The following ATP10D variants were observed in gnomAD, a reference collection of about 807,000 sequenced individuals.
The protein encoded by ATP10D is phospholipid-transporting ATPase VD.
A neutral mutation model predicts 144.8 loss-of-function variants in ATP10D; 89 were observed. That is an observed-to-expected ratio of 0.61 (90% CI 0.52 to 0.73). The LOEUF (loss-of-function observed/expected upper bound fraction) is 0.73, where lower values mean the gene tolerates loss of function less well. Among genes scored for constraint, ATP10D ranks in the 30% least tolerant of loss-of-function variants. ATP10D has a pLI of 0.00. For missense variants in ATP10D, 1,603 were observed against 1,714.8 expected, an observed-to-expected ratio of 0.93 and a Z score of 1.15; for synonymous variants, 571 against 615.1, an observed-to-expected ratio of 0.93 and a Z score of 1.06.
At chr4:47,583,891 TG>T (rs1233243865) in intron 21 of ATP10D, among the ~76,000 whole-genome samples, 3 of 152,202 alleles carry the variant, frequency 2.0e-5, no homozygotes, top group African/African-American at 7.2e-5. Flanking sequence ...CTTGTCAGGA[TG>T]GTCCTCTGGT....
intron 17 of ATP10D, 105 bp from the exon 18 acceptor site, chr4:47,572,767 G>C (rs1720027909): frequency 7.0e-7 from 1 of 1,428,966 alleles, no homozygotes; most frequent in African/African-American, 1.4e-5. Flanking sequence ...AATGCGGTCA[G>C]AAGAAGGTAG....
chr4:47,513,148 A>G (rs896502032), intron 2 of ATP10D, among the ~76,000 whole-genome samples: 3 of 152,050 alleles, frequency 2.0e-5, no homozygotes, highest in Admixed American at 2.0e-4. Context: ...GGGTCTTCTT[A>G]CTCTTGCTTT....
rs112819721 is a variant in ATP10D at position 47,511,493 on chromosome 4, C to A, written c.-37-1011C>A. Among the ~76,000 whole-genome samples the A allele has an allele frequency of 5.2e-4, 79 of 152,280 alleles. 1 individual carries two copies. Among genetic ancestry groups the A allele is most frequent in the African/African-American group, 1.7e-3 (71 of 41,560 alleles). On this transcript the variant is annotated intron_variant, in intron 1 of 22. Coordinates refer to ENST00000273859, the MANE Select transcript of ATP10D (RefSeq NM_020453.4). ...CTGAGGCATGAGAATTGCTTGAACC[C>A]CTTTCTTTCCTATTTTTGTTTTGAT...
chr4:47,516,849 T>A (rs907214707), intron 3 of ATP10D, among the ~76,000 whole-genome samples: 3 of 152,212 alleles, frequency 2.0e-5, no homozygotes, highest in African/African-American at 7.2e-5. Context: ...AGTCATTGGT[T>A]TTCATTTAAA....
At chr4:47,552,859 T>C (rs1423022199) in intron 10 of ATP10D, among the ~76,000 whole-genome samples, 1 of 152,228 alleles carries the variant, frequency 6.6e-6, no homozygotes, top group Non-Finnish European at 1.5e-5. Flanking sequence ...AAATAGAATT[T>C]GGAAAGCCTG....
intron 21 of ATP10D, among the ~76,000 whole-genome samples, chr4:47,583,492 A>G (rs1720630464): frequency 6.6e-6 from 1 of 152,266 alleles, no homozygotes; most frequent in Non-Finnish European, 1.5e-5. Flanking sequence ...ACAATCATCT[A>G]TAACAAAATA....
intron 5 of ATP10D, among the ~76,000 whole-genome samples, chr4:47,527,933 T>A (rs1717338733): frequency 6.6e-6 from 1 of 152,156 alleles, no homozygotes; most frequent in Non-Finnish European, 1.5e-5. Context: ...CTATGACCTG[T>A]ATACAATGCT....
chr4:47,583,994 G>A (rs1267820205), intron 21 of ATP10D, among the ~76,000 whole-genome samples: 1 of 152,152 alleles, frequency 6.6e-6, no homozygotes, highest in Non-Finnish European at 1.5e-5. Context: ...CCTAGCTTAA[G>A]TCACAGGCTT....
In ATP10D at chr4:47,515,620, A is replaced by T; in HGVS notation, c.435A>T (p.Lys145Asn). The T allele has an allele frequency of 6.2e-7, 1 of 1,612,652 alleles. No individual in the cohort carries two copies. The highest frequency in any genetic ancestry group is 8.5e-7 in the Non-Finnish European group (1 of 1,178,664). Reference protein sequence around the residue: ...AIKDGLEDYRKYKIDKQINNL... With the variant: ...AIKDGLEDYRNYKIDKQINNL... ...AAGATGGCCTGGAAGATTATCGGAA[A>T]TACAAAATTGACAAACAGATCAATA... The change falls in exon 3 of 23, where the codon AAA becomes AAT. Residue 145 changes from lysine to asparagine, a missense_variant. Physicochemically the swap from Lys to Asn is moderately conservative, Grantham distance 94. Transcript: ENST00000273859.
At position 47,565,481 on chromosome 4, in the gene ATP10D, G is replaced by A. The variant is rs543846655; in HGVS notation, c.2853+1716G>A. ...AGCCTAGGTGGCTGGTAAGACTAGG[G>A]ATCAAATGCTTGGCCTGCCGCTGAC... is the stretch of plus-strand genomic sequence containing the variant. On this transcript the variant is annotated intron_variant, in intron 15 of 22. Transcript: ENST00000273859. Among the ~76,000 whole-genome samples the A allele has an allele frequency of 3.3e-5, 5 of 152,282 alleles. No homozygotes were observed. The South Asian group carries it at 1.0e-3, about 32-fold the overall frequency.
rs1717836930 is a variant in ATP10D, at chr4:47,536,180, T to C, written c.1015+147T>C. On this transcript the variant is annotated intron_variant, in intron 7 of 22. Coordinates refer to ENST00000273859, the MANE Select transcript of ATP10D (RefSeq NM_020453.4). ...TCATATCCTTGTCTCTTTCATCCTT[T>C]AGCCTGAAAAATATTAATATTGACT... is the stretch of plus-strand genomic sequence containing the variant. The C allele has an allele frequency of 9.0e-6, 10 of 1,114,558 alleles. 1 individual carries two copies. The Admixed American group carries it at 2.7e-4, about 30-fold the overall frequency. 69.0% of individuals were successfully genotyped at this position (1,114,558 alleles called of 1,614,324 possible). A position where few individuals can be genotyped will look rare whatever the true frequency, so the allele number is the denominator to read the frequency against.
In ATP10D at chr4:47,496,258, A is replaced by T. The variant is rs553517515; in HGVS notation, c.-38+10739A>T. 1.3e-3 allele frequency among the ~76,000 whole-genome samples: 194 copies of T among 150,962 alleles called. 1 individual carries two copies. Among genetic ancestry groups the T allele is most frequent in the African/African-American group, 4.1e-3 (169 of 41,034 alleles). On this transcript the variant is annotated intron_variant, in intron 1 of 22. Transcript: ENST00000273859. ...CAGAAACCTCCGCCTCCCGGGTTCA[A>T]GCCATTCTCCTGCCTCAGCCTCCGG...
intron 10 of ATP10D, among the ~76,000 whole-genome samples, chr4:47,550,644 G>A (rs1012776621): frequency 3.8e-4 from 58 of 152,256 alleles, no homozygotes; most frequent in Admixed American, 1.3e-3. Flanking sequence ...GGGCCATGCC[G>A]TGAGTGTTAT....
chr4:47,527,717 A>G (rs1199669870), intron 5 of ATP10D, among the ~76,000 whole-genome samples: 1 of 152,192 alleles, frequency 6.6e-6, no homozygotes, highest in Non-Finnish European at 1.5e-5. Context: ...TACCTGCTAC[A>G]ATTAAAAAGA....
intron 16 of ATP10D, among the ~76,000 whole-genome samples, chr4:47,570,830 AG>A (rs1488764297): frequency 6.6e-6 from 1 of 152,114 alleles, no homozygotes; most frequent in Non-Finnish European, 1.5e-5. Flanking sequence ...ATAAAAGAAA[AG>A]AAAAAAAGAG....
chr4:47,590,185 A>G (rs1720966652), intron 22 of ATP10D, among the ~76,000 whole-genome samples: 1 of 152,108 alleles, frequency 6.6e-6, no homozygotes, highest in African/African-American at 2.4e-5. Flanking sequence ...TAAGGAATGA[A>G]CTTGGATATT....
intron 12 of ATP10D, among the ~76,000 whole-genome samples, chr4:47,558,587 A>G (rs566348462): frequency 2.6e-5 from 4 of 152,310 alleles, no homozygotes; most frequent in East Asian, 3.9e-4. Flanking sequence ...ATGACATACT[A>G]TATGCAATGT....
intron 16 of ATP10D, among the ~76,000 whole-genome samples, chr4:47,570,665 C>T (rs1719903191): frequency 6.6e-6 from 1 of 151,798 alleles, no homozygotes; most frequent in Non-Finnish European, 1.5e-5. Flanking sequence ...TTGGCCAGGC[C>T]TGGTGGTGGG....
chr4:47,542,621 G>GCA (rs1307779790), intron 9 of ATP10D, among the ~76,000 whole-genome samples: 2 of 152,074 alleles, frequency 1.3e-5, no homozygotes, highest in South Asian at 2.1e-4. Flanking sequence ...GGGATTACAG[G>GCA]TGCCCGCCAC....
Sources: gnomAD v4.1 joint callset for allele counts (sites outside exome capture counted in the v4.1 genomes callset) on GRCh38, gnomAD v4.1.1 for gene constraint, MANE v1.5 for transcripts, NCBI Gene and HGNC (gene_info 2026-07-23, HGNC 2026-07-21) for gene names.